The following HAL variants were observed in gnomAD, a reference collection of about 807,000 sequenced individuals.
HAL encodes the protein histidase.
HAL carries 85 observed loss-of-function variants against 81.1 expected under a neutral mutation model. The observed-to-expected ratio is 1.05, with a 90% CI of 0.88 to 1.25. HAL has a LOEUF of 1.25. Among genes scored for constraint, HAL ranks in the 50% most tolerant of loss-of-function variants. The probability of loss-of-function intolerance (pLI) is 0.00; values close to 1 mark genes in which losing one functional copy is unlikely to be tolerated. For synonymous variants in HAL, 301 were observed against 309.2 expected, an observed-to-expected ratio of 0.97 and a Z score of 0.28; for missense variants, 798 against 836.6, an observed-to-expected ratio of 0.95 and a Z score of 0.57.
At chr12:95,994,899 C>A (rs781455851) in intron 3 of HAL, 34 bp downstream of exon 3, 1 of 1,608,332 alleles carries the variant, frequency 6.2e-7, no homozygotes. Flanking sequence ...GAGCCACCCC[C>A]AGAGCAGACC....
chr12:95,974,941 T>C (rs1393326747), intron 20 of HAL, among the ~76,000 whole-genome samples: 1 of 152,180 alleles, frequency 6.6e-6, no homozygotes, highest in Non-Finnish European at 1.5e-5. Flanking sequence ...GGTTTCACCA[T>C]GTTGGCCAGG....
chr12:95,988,269 G>C (rs935953727), intron 10 of HAL, 29 bp from the exon 11 acceptor site: 1 of 1,176,004 alleles, frequency 8.5e-7, no homozygotes, highest in Admixed American at 1.7e-5. Context: ...TATGAAAATG[G>C]GTATCAAATG....
At chr12:95,984,620 C>T (rs759543665) in intron 14 of HAL, among the ~76,000 whole-genome samples, 23 of 152,274 alleles carry the variant, frequency 1.5e-4, no homozygotes, top group African/African-American at 5.3e-4. Flanking sequence ...TCTGTGTGAT[C>T]GTGGGCAAGA....
rs942857961 is a variant in HAL, at chr12:95,974,227, G to C, written c.*5C>G. ...CTCTCATCTGCTACTTCATGACAAA[G>C]CCCATTAAAGGTCCTCAGACTCCGG... On this transcript the variant is annotated 3_prime_UTR_variant, in exon 21 of 21. Transcript: ENST00000261208. 3 of 1,613,240 alleles carry C rather than the reference G, an allele frequency of 1.9e-6. No individual in the cohort carries two copies. Among genetic ancestry groups the C allele is most frequent in the Non-Finnish European group, 2.5e-6 (3 of 1,179,224 alleles).
At position 95,984,004 on chromosome 12, in the gene HAL, CAAAAT is replaced by C. The variant is rs762499594; in HGVS notation, c.1207-18_1207-14del. On this transcript the variant is annotated splice_polypyrimidine_tract_variant and intron_variant, in intron 14 of 20. Transcript: ENST00000261208. ...CCACACCATGGACCTAAAATACAAT[CAAAAT>C]AAGGTATATGACCCATTTGATTACC... 1 of 1,399,804 alleles carries C rather than the reference CAAAAT, an allele frequency of 7.1e-7. No individual in the cohort carries two copies. The highest frequency in any genetic ancestry group is 1.2e-5 in the South Asian group (1 of 86,630). The allele number at this position is 1,399,804 out of a possible 1,614,324, so 86.7% of individuals were successfully genotyped here.
chr12:95,983,120 G>A (rs773580208), intron 15 of HAL, among the ~76,000 whole-genome samples: 15 of 152,346 alleles, frequency 9.8e-5, no homozygotes, highest in African/African-American at 3.1e-4. Context: ...GGGTGTAGTC[G>A]CTCACACCTG....
At chr12:95,978,498 A>G (rs2080752379) in intron 17 of HAL, among the ~76,000 whole-genome samples, 1 of 152,202 alleles carries the variant, frequency 6.6e-6, no homozygotes, top group African/African-American at 2.4e-5. Flanking sequence ...TTGGGCAAGA[A>G]GATTTAACAC....
chr12:95,992,966 G>A (rs538787574), intron 8 of HAL, among the ~76,000 whole-genome samples, 161 bp from the exon 9 acceptor site: 8 of 150,690 alleles, frequency 5.3e-5, no homozygotes, highest in African/African-American at 1.7e-4. Context: ...CTGCCTGTCT[G>A]ACTTGTCTGA....
In HAL at chr12:95,996,184, G is replaced by A. The variant is rs1950034058; in HGVS notation, c.-188C>T. 4.2e-6 allele frequency: 2 copies of A among 471,690 alleles called. No individual in the cohort carries two copies. Among genetic ancestry groups the A allele is most frequent in the Admixed American group, 6.7e-5 (2 of 30,056 alleles). The allele number at this position is 471,690 out of a possible 1,614,324, so 29.2% of individuals were successfully genotyped here. On this transcript the variant is annotated 5_prime_UTR_variant, in exon 1 of 21. Transcript: ENST00000261208. Reference sequence around the variant, plus strand: ...CCAGACCTGCTGCCAGAAAGGCCTGGGGTCTCCCACCCTGGGAGGTGCTGT... The same window carrying A: ...CCAGACCTGCTGCCAGAAAGGCCTGAGGTCTCCCACCCTGGGAGGTGCTGT...
rs1950004111 is a variant in HAL, at chr12:95,994,080, C to G, written c.411+10G>C. 1 of 1,609,454 alleles carries G rather than the reference C, an allele frequency of 6.2e-7. No individual in the cohort carries two copies. Among genetic ancestry groups the G allele is most frequent in the Admixed American group, 1.7e-5 (1 of 59,992 alleles). On this transcript the variant is annotated intron_variant, in intron 5 of 20. Transcript: ENST00000261208. ...TGGCCAGAGGACATCTTTCCCCTCC[C>G]TCCCCATACCTTTATTTTGTAGCGT...
rs749620814 is a variant in HAL at position 95,995,670 on chromosome 12, C to A, written c.241G>T (p.Glu81Ter). The A allele has an allele frequency of 3.7e-6, 6 of 1,613,444 alleles. No individual in the cohort carries two copies. The highest frequency in any genetic ancestry group is 1.7e-5 in the Admixed American group (1 of 60,036). The change falls in exon 2 of 21, where the codon GAA becomes TAA. Residue 81 changes from glutamate (E) to a stop codon, truncating the protein, a stop_gained. Coordinates refer to ENST00000261208, the MANE Select transcript of HAL (RefSeq NM_002108.4). LOFTEE classifies it high-confidence loss of function. ...EVALENNEFV[E>*]VVIEGDAMSP... is the part of the protein sequence containing the mutation. ...CTCTCCTGCAGCCACTCACCCACTTCCACGAACTCGTTGTTCTCTAGGGCC... is the reference window on the plus strand; with the variant it reads ...CTCTCCTGCAGCCACTCACCCACTTACACGAACTCGTTGTTCTCTAGGGCC...
At chr12:95,977,759 AACACAGATT>A (rs950191154) in intron 18 of HAL, among the ~76,000 whole-genome samples, 176 bp downstream of exon 18, 4 of 152,048 alleles carry the variant, frequency 2.6e-5, no homozygotes, top group Non-Finnish European at 5.9e-5. Flanking sequence ...GGGTTCGTTA[AACACAGATT>A]GCTCCGCTCT....
chr12:95,985,885 CT>C (rs759405336), intron 14 of HAL, 22 bp downstream of exon 14: 14,974 of 1,157,070 alleles, frequency 0.013, no homozygotes, highest in Non-Finnish European at 0.014. Context: ...TTTTATTGAC[CT>C]TTTTTTTTTT....
Position 95,976,686 on chromosome 12 carries a change from CA to C in HAL, c.1674del (p.Ala559GlnfsTer6). 1 of 1,610,982 alleles carries C rather than the reference CA, an allele frequency of 6.2e-7. No individual in the cohort carries two copies. Among genetic ancestry groups the C allele is most frequent in the South Asian group, 1.1e-5 (1 of 91,024 alleles). Reference protein sequence around the residue: ...HVEQVLAIELLAACQGIEFLR... With the variant: ...HVEQVLAIELXAACQGIEFLR... ...AGAAACTCTATGCCCTGGCAGGCTG[CA>C]AGGAGCTCGATGGCCAGCACTGAAA... On this transcript the variant is annotated frameshift_variant, in exon 19 of 21. Coordinates refer to ENST00000261208, the MANE Select transcript of HAL (RefSeq NM_002108.4). LOFTEE classifies it high-confidence loss of function.
At chr12:95,987,657 C>T (rs1220692894) in intron 11 of HAL, among the ~76,000 whole-genome samples, 2 of 152,126 alleles carry the variant, frequency 1.3e-5, no homozygotes, top group Non-Finnish European at 2.9e-5. Flanking sequence ...TAACAGAACT[C>T]GATTTGAAGT....
intron 10 of HAL, chr12:95,990,163 C>G: frequency 3.4e-6 from 2 of 586,830 alleles, no homozygotes; most frequent in Non-Finnish European, 6.2e-6. Context: ...GCAGTTATGC[C>G]TTTTCACCAA....
chr12:95,977,862 T>C, intron 18 of HAL, 82 bp downstream of exon 18: 1 of 1,432,480 alleles, frequency 7.0e-7, no homozygotes, highest in South Asian at 1.2e-5. Flanking sequence ...ATGCTGATGT[T>C]GCTGGTGGGA....
At chr12:95,994,344 G>A (rs1406647507) in intron 4 of HAL, among the ~76,000 whole-genome samples, 180 bp from the exon 5 acceptor site, 1 of 152,216 alleles carries the variant, frequency 6.6e-6, no homozygotes, top group Non-Finnish European at 1.5e-5. Context: ...AAAGCATAAT[G>A]CCTTTCCAAG....
intron 14 of HAL, among the ~76,000 whole-genome samples, chr12:95,984,540 A>G (rs1035751980): frequency 3.3e-5 from 5 of 152,232 alleles, no homozygotes; most frequent in Non-Finnish European, 7.3e-5. Flanking sequence ...CAAACCCCAG[A>G]AATAGCCACA....
Sources: allele counts gnomAD v4.1 joint callset (sites outside exome capture counted in the v4.1 genomes callset), GRCh38; gene constraint gnomAD v4.1.1; transcripts MANE v1.5; gene names NCBI Gene and HGNC (gene_info 2026-07-23, HGNC 2026-07-21).